Variants in FRYL observed in about 807,000 individuals in gnomAD.
The protein encoded by FRYL is FRY like transcription coactivator.
Under a neutral mutation model 351.2 loss-of-function variants are expected in FRYL, and 150 were observed. That is an observed-to-expected ratio of 0.43 (90% CI 0.37 to 0.49). The LOEUF is 0.49. FRYL is among the 20% of genes least tolerant of loss of function. The pLI is 0.00. For missense variants in FRYL, 3,036 were observed against 3,619.3 expected (o/e 0.84, Z 4.13); for synonymous variants, 1,153 against 1,257.1 (o/e 0.92, Z 1.75).
chr4:48,732,943 A>AG (rs1491268004), intron 1 of FRYL, among the ~76,000 whole-genome samples: 2 of 150,406 alleles, frequency 1.3e-5, no homozygotes, highest in Non-Finnish European at 3.0e-5. Flanking sequence ...AAAAAAAAAA[A>AG]GAAAGTAAGT....
chr4:48,569,195 G>A (rs1179247051), intron 27 of FRYL, among the ~76,000 whole-genome samples: 1 of 152,188 alleles, frequency 6.6e-6, no homozygotes, highest in Non-Finnish European at 1.5e-5. Flanking sequence ...AGATTCAGAT[G>A]TGTATCAGGT....
chr4:48,589,857 G>C lies in FRYL; in HGVS notation c.1528C>G (p.Gln510Glu). ...KVIGMSVYYP[Q>E]VRKALDSILR... The stretch of plus-strand genomic sequence containing the variant: ...ATGCTATCTAATGCTTTTCTTACTT[G>C]AGGATAGTAAACTGACATTCCTAGG... The change falls in exon 18 of 64, where the codon CAA becomes GAA. Residue 510 changes from glutamine (Q) to glutamate (E), a missense_variant. Gln to Glu is a conservative substitution (Grantham distance 29, BLOSUM62 2). This residue lies in a region of FRYL where 78 missense variants were observed against 106.6 expected (regional missense o/e 0.73). Transcript: ENST00000358350. 6.2e-7 allele frequency: 1 copy of C among 1,612,944 alleles called. No homozygotes were observed. The highest frequency in any genetic ancestry group is 1.1e-5 in the South Asian group (1 of 90,954).
chr4:48,523,514 A>G (rs1194179487), intron 53 of FRYL: 1 of 158,678 alleles, frequency 6.3e-6, no homozygotes, highest in Non-Finnish European at 1.4e-5. Flanking sequence ...GCAAAAAGGA[A>G]AACACACAGA....
At chr4:48,574,862 T>TGA (rs1739249042) in intron 25 of FRYL, among the ~76,000 whole-genome samples, 4 of 152,198 alleles carry the variant, frequency 2.6e-5, no homozygotes, top group African/African-American at 9.7e-5. Flanking sequence ...CATTTCATTA[T>TGA]TTCTAGAACA....
intron 9 of FRYL, among the ~76,000 whole-genome samples, chr4:48,606,998 G>A (rs577113414): frequency 6.6e-6 from 1 of 152,246 alleles, no homozygotes; most frequent in African/African-American, 2.4e-5. Flanking sequence ...GTTATATGGA[G>A]AGCATATTGG....
At chr4:48,764,054 C>T (rs1026765628) in intron 1 of FRYL, among the ~76,000 whole-genome samples, 1 of 152,030 alleles carries the variant, frequency 6.6e-6, no homozygotes, top group African/African-American at 2.4e-5. Flanking sequence ...CCTGTAATCC[C>T]AGCTACTCGG....
chr4:48,707,666 T>C (rs1028872632), intron 2 of FRYL, among the ~76,000 whole-genome samples: 2 of 152,090 alleles, frequency 1.3e-5, no homozygotes, highest in Admixed American at 1.3e-4. Context: ...AAAGAAACTG[T>C]TCCAGGTAAT....
intron 2 of FRYL, among the ~76,000 whole-genome samples, chr4:48,692,013 G>A (rs929953369): frequency 6.6e-5 from 10 of 152,064 alleles, no homozygotes; most frequent in African/African-American, 2.4e-4. Context: ...TTATTCCTCA[G>A]AGAAGAAAAT....
At chr4:48,779,092 G>A (rs1162936998) in intron 1 of FRYL, among the ~76,000 whole-genome samples, 1 of 151,608 alleles carries the variant, frequency 6.6e-6, no homozygotes, top group East Asian at 2.0e-4. Flanking sequence ...GATTTTAGGT[G>A]GCGAGGAACT....
chr4:48,779,727 G>A (rs1206317733), intron 1 of FRYL, among the ~76,000 whole-genome samples: 5 of 151,892 alleles, frequency 3.3e-5, no homozygotes, highest in Admixed American at 2.6e-4. Context: ...CGCGCGAGGG[G>A]TACCCGGGCG....
chr4:48,757,805 T>C (rs1773954012), intron 1 of FRYL, among the ~76,000 whole-genome samples: 1 of 152,158 alleles, frequency 6.6e-6, no homozygotes, highest in Non-Finnish European at 1.5e-5. Flanking sequence ...AGAACAAAGC[T>C]GGAGGCATCA....
intron 7 of FRYL, among the ~76,000 whole-genome samples, chr4:48,613,496 T>C (rs1411271279): frequency 6.6e-6 from 1 of 152,210 alleles, no homozygotes; most frequent in African/African-American, 2.4e-5. Flanking sequence ...ATGTGCTCTT[T>C]GTTGCCACCC....
intron 6 of FRYL, among the ~76,000 whole-genome samples, chr4:48,620,275 A>G (rs538591007): frequency 6.6e-6 from 1 of 152,202 alleles, no homozygotes; most frequent in Admixed American, 6.5e-5. Context: ...CTGTATTACA[A>G]TAATTGCCTC....
intron 49 of FRYL, among the ~76,000 whole-genome samples, chr4:48,532,339 G>A (rs183553876): frequency 1.2e-3 from 182 of 152,280 alleles, no homozygotes; most frequent in African/African-American, 4.1e-3. Flanking sequence ...ATGATACTGT[G>A]ACATTTTAAG....
chr4:48,555,101 T>C (rs976719570), intron 35 of FRYL, among the ~76,000 whole-genome samples: 1 of 152,192 alleles, frequency 6.6e-6, no homozygotes, highest in Non-Finnish European at 1.5e-5. Flanking sequence ...GCTTAAAAAA[T>C]AATAACCAAT....
chr4:48,651,103 TTG>T (rs1330001524), intron 3 of FRYL, among the ~76,000 whole-genome samples: 1 of 152,098 alleles, frequency 6.6e-6, no homozygotes, highest in East Asian at 1.9e-4. Context: ...TTCTTATTTT[TTG>T]TGTTTCCTTC....
intron 3 of FRYL, among the ~76,000 whole-genome samples, chr4:48,667,096 T>A (rs34512170): frequency 2.0e-5 from 3 of 152,074 alleles, no homozygotes; most frequent in African/African-American, 7.2e-5. Context: ...TACAGCTAAT[T>A]TTTTTTAAAA....
At position 48,510,299 on chromosome 4, in the gene FRYL, G is replaced by C. The variant is rs544768502; in HGVS notation, c.8296-142C>G. 48 of 663,084 alleles carry C rather than the reference G, an allele frequency of 7.2e-5. No homozygotes were observed. The African/African-American group carries it at 7.5e-4, about 10-fold the overall frequency. 41.1% of individuals were successfully genotyped at this position (663,084 alleles called of 1,614,324 possible). Reference sequence around the variant, plus strand: ...TTAACTCTACTCTGTCCCATACTTAGAGCTGAGCTCTCACTGGAACAGAGT... The same window carrying C: ...TTAACTCTACTCTGTCCCATACTTACAGCTGAGCTCTCACTGGAACAGAGT... On this transcript the variant is annotated intron_variant, in intron 58 of 63. Transcript: ENST00000358350.
At chr4:48,649,031 CTGA>C (rs1334955392) in intron 3 of FRYL, among the ~76,000 whole-genome samples, 1 of 152,056 alleles carries the variant, frequency 6.6e-6, no homozygotes, top group Non-Finnish European at 1.5e-5. Context: ...GATTTTCATG[CTGA>C]TGGTTACAAG....
Sources: allele counts gnomAD v4.1 joint callset (sites outside exome capture counted in the v4.1 genomes callset), GRCh38; gene constraint gnomAD v4.1.1; regional missense constraint gnomAD v4.1.1; transcripts MANE v1.5; gene names NCBI Gene and HGNC (gene_info 2026-07-23, HGNC 2026-07-21).